YTHDC1: variants seen among roughly 807,000 people sequenced by gnomAD.
YTHDC1 encodes YTH domain-containing protein 1.
YTHDC1 carries 12 observed loss-of-function variants against 107.0 expected under a neutral mutation model. The ratio of observed to expected loss-of-function variants is 0.11; its 90% CI spans 0.07 to 0.18. The LOEUF (loss-of-function observed/expected upper bound fraction) is 0.18. Among genes scored for constraint, YTHDC1 ranks in the 10% least tolerant of loss-of-function variants. YTHDC1 has a pLI of 1.00. For synonymous variants in YTHDC1, 280 were observed against 289.5 expected, an observed-to-expected ratio of 0.97 and a Z score of 0.33; for missense variants, 635 against 898.8, an observed-to-expected ratio of 0.71 and a Z score of 3.75.
chr4:68,344,385 T>C (rs1312475641), intron 1 of YTHDC1, among the ~76,000 whole-genome samples: 1 of 152,092 alleles, frequency 6.6e-6, no homozygotes, highest in African/African-American at 2.4e-5. Context: ...AAACTAGTTT[T>C]AGTATACCGT....
In YTHDC1 at chr4:68,310,953, TCAAA is replaced by T. The variant is rs755720278; in HGVS notation, c.*3142_*3145del. On this transcript the variant is annotated 3_prime_UTR_variant, in exon 17 of 17. Coordinates refer to ENST00000344157, the MANE Select transcript of YTHDC1 (RefSeq NM_001031732.4). ...TGTGATGGCAAAATACTCTGAAAAG[TCAAA>T]CATTCAGGTGTTATAACTTGTATGA... The T allele has an allele frequency of 2.0e-5, 3 of 152,124 alleles. No homozygotes were observed. Among genetic ancestry groups the T allele is most frequent in the South Asian group, 4.1e-4 (2 of 4,830 alleles). 9.4% of individuals were successfully genotyped at this position (152,124 alleles called of 1,614,324 possible).
intron 15 of YTHDC1, 100 bp downstream of exon 15, chr4:68,318,419 C>A (rs976919818): frequency 3.2e-6 from 4 of 1,250,124 alleles, no homozygotes; most frequent in Non-Finnish European, 4.4e-6. Context: ...GTTTAAGTCT[C>A]TTTAATGAGT....
chr4:68,338,301 C>A lies in YTHDC1; in HGVS notation c.112G>T (p.Asp38Tyr). The change falls in exon 2 of 17, where the codon GAT (aspartate) becomes TAT (tyrosine). Residue 38 changes from aspartate (D) to tyrosine (Y), a missense_variant. By Grantham distance (160) the Asp-to-Tyr change is radical. Transcript: ENST00000344157. The part of the protein sequence containing the change: ...DELYNPESEQ[D>Y]KNEKKGSKRK... ...TACATACCCTTTTTCTCATTTTTAT[C>A]TTGTTCACTCTCTGGATTATACAGT... is the stretch of plus-strand genomic sequence containing the variant. The A allele has an allele frequency of 6.2e-7, 1 of 1,606,932 alleles. No individual in the cohort carries two copies. Among genetic ancestry groups the A allele is most frequent in the South Asian group, 1.1e-5 (1 of 89,852 alleles).
At chr4:68,344,438 T>C (rs1009249435) in intron 1 of YTHDC1, among the ~76,000 whole-genome samples, 1 of 152,096 alleles carries the variant, frequency 6.6e-6, no homozygotes, top group Non-Finnish European at 1.5e-5. Context: ...AAGGGGACAA[T>C]CCTACTCAAC....
chr4:68,331,282 T>C (rs1384989754), intron 7 of YTHDC1, among the ~76,000 whole-genome samples: 1 of 152,126 alleles, frequency 6.6e-6, no homozygotes, highest in Admixed American at 6.5e-5. Flanking sequence ...ACCCTGTGGA[T>C]ACCGAGGGCC....
chr4:68,327,417 T>C (rs982967043), intron 9 of YTHDC1, among the ~76,000 whole-genome samples: 3 of 110,334 alleles, frequency 2.7e-5, no homozygotes, highest in Non-Finnish European at 6.2e-5. Flanking sequence ...TCGCTTTTTA[T>C]GCCTCCCTCT....
chr4:68,314,355 C>A (rs1560467763), intron 16 of YTHDC1, 32 bp from the exon 17 acceptor site: 1 of 1,603,056 alleles, frequency 6.2e-7, no homozygotes, highest in Non-Finnish European at 8.5e-7. Context: ...TTAGGTATGT[C>A]AAAAAGGCAA....
rs569598451 is a variant in YTHDC1, at chr4:68,347,683, T to C, written c.28+2043A>G. On this transcript the variant is annotated intron_variant, in intron 1 of 16. Coordinates refer to ENST00000344157, the MANE Select transcript of YTHDC1 (RefSeq NM_001031732.4). ...GAGAAAGAACTTAACGTTTGTGACA[T>C]GACTGAGATTTTTAGAGGGTTTATC... 1.9e-4 allele frequency among the ~76,000 whole-genome samples: 29 copies of C among 152,344 alleles called. No individual in the cohort carries two copies. The South Asian group carries it at 6.0e-3, about 32-fold the overall frequency.
intron 11 of YTHDC1, among the ~76,000 whole-genome samples, chr4:68,320,829 T>G (rs376600202): frequency 6.6e-6 from 1 of 152,140 alleles, no homozygotes; most frequent in African/African-American, 2.4e-5. Context: ...TAATCCTTAG[T>G]AACATTTAGT....
chr4:68,343,385 A>G (rs987553353), intron 1 of YTHDC1, among the ~76,000 whole-genome samples: 1 of 151,680 alleles, frequency 6.6e-6, no homozygotes, highest in Non-Finnish European at 1.5e-5. Flanking sequence ...TATTTTTAGT[A>G]GAGACAGGGT....
At chr4:68,319,487 A>G (rs968633302) in intron 12 of YTHDC1, among the ~76,000 whole-genome samples, 2 of 152,190 alleles carry the variant, frequency 1.3e-5, no homozygotes, top group South Asian at 2.1e-4. Flanking sequence ...AGGACAACCT[A>G]TTTTGGAAGA....
At chr4:68,317,368 G>A (rs1721979532) in intron 15 of YTHDC1, among the ~76,000 whole-genome samples, 1 of 152,014 alleles carries the variant, frequency 6.6e-6, no homozygotes, top group Non-Finnish European at 1.5e-5. Context: ...AAGGGGAAAA[G>A]TCTCATAATC....
At chr4:68,346,519 A>T (rs1240275836) in intron 1 of YTHDC1, among the ~76,000 whole-genome samples, 2 of 152,236 alleles carry the variant, frequency 1.3e-5, no homozygotes, top group South Asian at 2.1e-4. Flanking sequence ...GAAATAATTC[A>T]TAAGTTTTAA....
chr4:68,334,568 T>C (rs1294728309), intron 4 of YTHDC1, among the ~76,000 whole-genome samples: 3 of 152,112 alleles, frequency 2.0e-5, no homozygotes, highest in African/African-American at 2.4e-5. Context: ...GTTTAACTAG[T>C]TTTGGGGGCT....
chr4:68,315,155 T>A (rs753190442), intron 16 of YTHDC1, among the ~76,000 whole-genome samples: 2 of 152,214 alleles, frequency 1.3e-5, no homozygotes, highest in Non-Finnish European at 2.9e-5. Context: ...CCACAACCCA[T>A]CTAGTCAACT....
At chr4:68,325,946 T>G (rs891183654) in intron 9 of YTHDC1, among the ~76,000 whole-genome samples, 2 of 152,058 alleles carry the variant, frequency 1.3e-5, no homozygotes, top group South Asian at 4.1e-4. Context: ...TTCCCCCTTT[T>G]CAGGCTCTCA....
rs762188337 is a variant in YTHDC1 at position 68,349,781 on chromosome 4, A to ACCG, written c.-31_-29dup. 62 of 1,610,880 alleles carry ACCG rather than the reference A, an allele frequency of 3.8e-5. No individual in the cohort carries two copies. The highest frequency in any genetic ancestry group is 1.7e-4 in the Middle Eastern group (1 of 6,054). ...CTCCCCTTCGGTTTCCGCCGCTGCC[A>ACCG]CCGCCGCCGCCGCTTAGACGCGACT... On this transcript the variant is annotated 5_prime_UTR_variant, in exon 1 of 17. Coordinates refer to ENST00000344157, the MANE Select transcript of YTHDC1 (RefSeq NM_001031732.4).
chr4:68,331,834 A>C (rs899227097), intron 7 of YTHDC1, among the ~76,000 whole-genome samples: 5 of 152,004 alleles, frequency 3.3e-5, no homozygotes, highest in African/African-American at 9.7e-5. Context: ...AATCAACAGA[A>C]ACAGGATCTT....
In YTHDC1 at chr4:68,324,069, T is replaced by C. The variant is rs1168404797; in HGVS notation, c.1434+70A>G. The C allele has an allele frequency of 4.4e-6, 6 of 1,365,546 alleles. No homozygotes were observed. The East Asian group carries it at 1.4e-4, about 32-fold the overall frequency. The allele number at this position is 1,365,546 out of a possible 1,614,324, so 84.6% of individuals were successfully genotyped here. A position where few individuals can be genotyped will look rare whatever the true frequency, so the allele number is the denominator to read the frequency against. On this transcript the variant is annotated intron_variant, in intron 10 of 16. Coordinates refer to ENST00000344157, the MANE Select transcript of YTHDC1 (RefSeq NM_001031732.4). ...TTTCATCAGAAACGGTTAAAACGAA[T>C]ACATCAATAAAGATCTCTAAAAGGG... is the stretch of plus-strand genomic sequence containing the variant.
Sources: allele counts gnomAD v4.1 joint callset (sites outside exome capture counted in the v4.1 genomes callset), GRCh38; gene constraint gnomAD v4.1.1; transcripts MANE v1.5; gene names NCBI Gene and HGNC (gene_info 2026-07-23, HGNC 2026-07-21).